CDH12: variants seen among roughly 807,000 people sequenced by gnomAD.
The protein encoded by CDH12 is cadherin 12.
CDH12 carries 41 observed loss-of-function variants against 74.1 expected under a neutral mutation model. The ratio of observed to expected loss-of-function variants is 0.55; its 90% CI spans 0.43 to 0.72. The LOEUF (loss-of-function observed/expected upper bound fraction) is 0.72, where lower values mean the gene tolerates loss of function less well. Among genes scored for constraint, CDH12 ranks in the 30% least tolerant of loss-of-function variants. CDH12 has a pLI of 0.00. For missense variants in CDH12, 945 were observed against 977.2 expected, an observed-to-expected ratio of 0.97 and a Z score of 0.44; for synonymous variants, 399 against 355.0, an observed-to-expected ratio of 1.12 and a Z score of -1.39.
chr5:22,259,156 T>C (rs1358661102), intron 3 of CDH12, among the ~76,000 whole-genome samples: 1 of 152,160 alleles, frequency 6.6e-6, no homozygotes, highest in African/African-American at 2.4e-5. Flanking sequence ...TGGCCCATAA[T>C]AAATTGACAA....
At chr5:22,668,260 T>G (rs891214085) in intron 1 of CDH12, among the ~76,000 whole-genome samples, 2 of 152,210 alleles carry the variant, frequency 1.3e-5, no homozygotes, top group African/African-American at 4.8e-5. Flanking sequence ...GTCCACTATT[T>G]GGGTGATGGG....
chr5:21,831,469 T>C (rs1749018393), intron 8 of CDH12, among the ~76,000 whole-genome samples: 1 of 152,194 alleles, frequency 6.6e-6, no homozygotes, highest in South Asian at 2.1e-4. Flanking sequence ...GCTGCTTTTC[T>C]CTCTATAATG....
At chr5:22,204,224 G>T (rs568821360) in intron 4 of CDH12, among the ~76,000 whole-genome samples, 1 of 150,560 alleles carries the variant, frequency 6.6e-6, no homozygotes, top group Non-Finnish European at 1.5e-5. Flanking sequence ...CCAGGCTGGC[G>T]TGCAGTGGTG....
chr5:21,993,523 T>TGGAAG (rs2150137461), intron 5 of CDH12, among the ~76,000 whole-genome samples: 1 of 152,322 alleles, frequency 6.6e-6, no homozygotes, highest in African/African-American at 2.4e-5. Flanking sequence ...ATACATGTGT[T>TGGAAG]AAAGCTGTGG....
intron 14 of CDH12, among the ~76,000 whole-genome samples, chr5:21,753,724 C>G (rs919405343): frequency 1.6e-4 from 25 of 152,104 alleles, no homozygotes; most frequent in African/African-American, 5.8e-4. Flanking sequence ...TTCACCATGC[C>G]TAGAATAGTG....
chr5:22,067,548 T>G (rs144624702), intron 5 of CDH12, among the ~76,000 whole-genome samples: 6 of 152,266 alleles, frequency 3.9e-5, no homozygotes, highest in East Asian at 1.9e-4. Context: ...AGATGCAGTC[T>G]GCTACGTAGA....
intron 2 of CDH12, among the ~76,000 whole-genome samples, chr5:22,410,933 T>G (rs1272933161): frequency 6.6e-6 from 1 of 151,860 alleles, no homozygotes; most frequent in African/African-American, 2.4e-5. Flanking sequence ...GCCAAGATTA[T>G]GAGAACAATG....
At chr5:22,606,441 G>C (rs1361908941) in intron 1 of CDH12, among the ~76,000 whole-genome samples, 1 of 152,192 alleles carries the variant, frequency 6.6e-6, no homozygotes, top group Non-Finnish European at 1.5e-5. Context: ...GATTATCCTA[G>C]TGGAGATAAT....
At chr5:22,626,422 T>C (rs1006933397) in intron 1 of CDH12, among the ~76,000 whole-genome samples, 1 of 152,054 alleles carries the variant, frequency 6.6e-6, no homozygotes, top group African/African-American at 2.4e-5. Flanking sequence ...AGTTAGGGAA[T>C]AAAGCTGGGG....
At chr5:22,609,329 G>T (rs532332512) in intron 1 of CDH12, among the ~76,000 whole-genome samples, 1 of 152,062 alleles carries the variant, frequency 6.6e-6, no homozygotes. Flanking sequence ...GCATCCTAGG[G>T]AATCTCTACT....
intron 1 of CDH12, among the ~76,000 whole-genome samples, chr5:22,773,361 C>T (rs1302233624): frequency 6.6e-6 from 1 of 151,954 alleles, no homozygotes; most frequent in East Asian, 1.9e-4. Context: ...ACACCTAGAG[C>T]CATCTGATCT....
chr5:21,823,649 A>G (rs1399677194), intron 8 of CDH12, among the ~76,000 whole-genome samples: 12 of 152,114 alleles, frequency 7.9e-5, no homozygotes, highest in Non-Finnish European at 1.6e-4. Flanking sequence ...ACTGACTACC[A>G]TTCTCTGTGA....
intron 6 of CDH12, among the ~76,000 whole-genome samples, chr5:21,964,847 T>C (rs1217213851): frequency 6.6e-6 from 1 of 152,064 alleles, no homozygotes; most frequent in African/African-American, 2.4e-5. Context: ...TGTTTAGGAT[T>C]ATTTGTTAGC....
intron 6 of CDH12, among the ~76,000 whole-genome samples, chr5:21,893,732 A>G (rs1258837092): frequency 1.3e-5 from 2 of 152,242 alleles, no homozygotes; most frequent in Admixed American, 1.3e-4. Context: ...CAAGTGCAAC[A>G]TTAAGAATGA....
At chr5:22,077,796 G>A (rs1295140080) in intron 5 of CDH12, among the ~76,000 whole-genome samples, 1 of 152,036 alleles carries the variant, frequency 6.6e-6, no homozygotes, top group Non-Finnish European at 1.5e-5. Flanking sequence ...GTTGCAATAA[G>A]ATATTTAAAT....
chr5:22,427,852 A>G (rs1162298882), intron 2 of CDH12, among the ~76,000 whole-genome samples: 2 of 152,032 alleles, frequency 1.3e-5, no homozygotes, highest in Non-Finnish European at 2.9e-5. Context: ...CTTTCTTTCC[A>G]TTGTTTAGAA....
chr5:22,741,122 C>T (rs1745005135), intron 1 of CDH12, among the ~76,000 whole-genome samples: 1 of 151,942 alleles, frequency 6.6e-6, no homozygotes. Context: ...GAAAATTAAC[C>T]ATTGTTTTGC....
intron 8 of CDH12, among the ~76,000 whole-genome samples, chr5:21,834,639 G>A (rs933298270): frequency 3.3e-5 from 5 of 151,844 alleles, no homozygotes; most frequent in East Asian, 1.9e-4. Context: ...AGAAACGAAC[G>A]TATATTTGTA....
chr5:22,298,493 C>G (rs1292995929), intron 3 of CDH12, among the ~76,000 whole-genome samples: 1 of 152,046 alleles, frequency 6.6e-6, no homozygotes, highest in Non-Finnish European at 1.5e-5. Context: ...TTTCTACTCT[C>G]TTTCAATGAT....
Sources: gnomAD v4.1 joint callset for allele counts (sites outside exome capture counted in the v4.1 genomes callset) on GRCh38, gnomAD v4.1.1 for gene constraint, MANE v1.5 for transcripts, NCBI Gene and HGNC (gene_info 2026-07-23, HGNC 2026-07-21) for gene names.